The following KLHDC4 variants were observed in gnomAD, a reference collection of about 807,000 sequenced individuals.
The protein encoded by KLHDC4 is kelch domain containing 4.
In KLHDC4, 90 loss-of-function variants were observed where a neutral mutation model predicts 62.4. The ratio of observed to expected loss-of-function variants is 1.44; its 90% confidence interval spans 1.22 to 1.72. The LOEUF (loss-of-function observed/expected upper bound fraction) is 1.72, where lower values mean the gene tolerates loss of function less well. KLHDC4 is among the 40% of genes most tolerant of loss of function. KLHDC4 has a pLI of 0.00. For missense variants in KLHDC4, 1,025 were observed against 699.7 expected (o/e 1.47, Z -5.25); for synonymous variants, 386 against 284.4 (o/e 1.36, Z -3.59).
chr16:87,737,558 A>G (rs1441891028), intron 5 of KLHDC4, among the ~76,000 whole-genome samples: 1 of 151,054 alleles, frequency 6.6e-6, no homozygotes, highest in Non-Finnish European at 1.5e-5. Context: ...ACCGCACTCC[A>G]GCTCACCTTC....
intron 5 of KLHDC4, among the ~76,000 whole-genome samples, chr16:87,746,684 T>C (rs935794501): frequency 1.3e-5 from 2 of 152,174 alleles, no homozygotes; most frequent in Non-Finnish European, 2.9e-5. Context: ...CAAAGGGTGA[T>C]TCTGGCAAAA....
chr16:87,704,858 C>A (rs963289399), downstream of KLHDC4, among the ~76,000 whole-genome samples: 1 of 152,324 alleles, frequency 6.6e-6, no homozygotes, highest in Non-Finnish European at 1.5e-5. Context: ...ACCCCAAACA[C>A]GAAAAAAGCC....
At chr16:87,716,028 C>A (rs9933061) in intron 7 of KLHDC4, among the ~76,000 whole-genome samples, 61,419 of 151,960 alleles carry the variant, frequency 0.4, 13,030 homozygotes, top group Middle Eastern at 0.56. Flanking sequence ...TTTATGCAGA[C>A]TTTGGGTAGG....
chr16:87,739,296 T>C (rs1383140180), intron 5 of KLHDC4, among the ~76,000 whole-genome samples: 11 of 112,606 alleles, frequency 9.8e-5, no homozygotes, highest in Non-Finnish European at 1.7e-4. Context: ...ACCTCATCCA[T>C]CCACACACCA....
Position 87,708,002 on chromosome 16 carries a change from G to A in KLHDC4, c.*75C>T, listed in dbSNP as rs771049602. On this transcript the variant is annotated 3_prime_UTR_variant, in exon 12 of 12. Transcript: ENST00000270583. ...GTCAGGACGCACGCTGGCCCCAAGA[G>A]CTTCACTCAACACGGCTGGGTCCTG... 2 of 488,950 alleles carry A rather than the reference G, an allele frequency of 4.1e-6. No individual in the cohort carries two copies. The highest frequency in any genetic ancestry group is 3.1e-5 in the South Asian group (2 of 64,836). 30.3% of individuals were successfully genotyped at this position (488,950 alleles called of 1,614,324 possible).
chr16:87,719,651 A>G (rs1346594839), intron 7 of KLHDC4, among the ~76,000 whole-genome samples: 2 of 151,762 alleles, frequency 1.3e-5, no homozygotes, highest in African/African-American at 2.4e-5. Flanking sequence ...AGAAACACCC[A>G]AGAATGATCA....
exon 1 of KLHDC4, chr16:87,700,899 G>C (rs1392743621): frequency 7.7e-6 from 2 of 259,918 alleles, no homozygotes; most frequent in Non-Finnish European, 1.5e-5. Context: ...GGAAGCTGGA[G>C]GGCGGAAGGA....
At chr16:87,700,401 C>T (rs1174559953) in exon 1 of KLHDC4, 4 of 156,376 alleles carry the variant, frequency 2.6e-5, no homozygotes, top group African/African-American at 7.2e-5. Context: ...GTACCTTTAA[C>T]CTCGCCCGGG....
At position 87,762,005 on chromosome 16, in the gene KLHDC4, T is replaced by C; in HGVS notation, c.135A>G (p.Thr45=). ...CAGTCTGAGTCCTCTTGGCATCGAG[T>C]GTCTGGAAATGGGCTATGAGCGCTT... is the stretch of plus-strand genomic sequence containing the variant. The part of the protein sequence containing the change: ...DLEALIAHFQ[T]LDAKRTQTVE... Residue 45 remains threonine, a synonymous_variant, in exon 2 of 12, where the codon ACA becomes ACG. Transcript: ENST00000270583. 3 of 1,613,770 alleles carry C rather than the reference T, an allele frequency of 1.9e-6. No individual in the cohort carries two copies. The highest frequency in any genetic ancestry group is 2.5e-6 in the Non-Finnish European group (3 of 1,179,870).
intron 5 of KLHDC4, among the ~76,000 whole-genome samples, chr16:87,731,724 G>T (rs183986563): frequency 6.6e-6 from 1 of 152,292 alleles, no homozygotes; most frequent in Non-Finnish European, 1.5e-5. Context: ...TCAAGAGAAA[G>T]GAAAACACCA....
At chr16:87,718,694 G>C (rs1444312510) in intron 7 of KLHDC4, among the ~76,000 whole-genome samples, 1 of 148,254 alleles carries the variant, frequency 6.7e-6, no homozygotes, top group African/African-American at 2.5e-5. Flanking sequence ...CCATCGTCTG[G>C]GATGTGAGGA....
intron 5 of KLHDC4, among the ~76,000 whole-genome samples, chr16:87,741,237 C>A (rs1032289066): frequency 6.6e-6 from 1 of 152,222 alleles, no homozygotes; most frequent in African/African-American, 2.4e-5. Context: ...CGCCAGCCAA[C>A]CAACCAACAC....
At chr16:87,717,087 C>T (rs1017810957) in intron 7 of KLHDC4, among the ~76,000 whole-genome samples, 32 of 152,146 alleles carry the variant, frequency 2.1e-4, no homozygotes, top group African/African-American at 7.7e-4. Flanking sequence ...GAAAATCAGC[C>T]AGGCATGGTG....
intron 10 of KLHDC4, 25 bp downstream of exon 10, chr16:87,709,240 G>A (rs762970546): frequency 1.1e-4 from 172 of 1,594,490 alleles, no homozygotes; most frequent in Non-Finnish European, 1.3e-4. Context: ...TCCCGGGCAC[G>A]GAGGCACCAA....
intron 5 of KLHDC4, among the ~76,000 whole-genome samples, chr16:87,737,072 C>T (rs928615139): frequency 3.9e-5 from 5 of 128,332 alleles, no homozygotes; most frequent in African/African-American, 1.5e-4. Context: ...CTGCAGTGAC[C>T]CGAGATGGCG....
chr16:87,711,241 C>T lies in KLHDC4; in HGVS notation c.1038G>A (p.Gln346=). The change falls in exon 9 of 12, where the codon CAG becomes CAA. Residue 346 remains glutamine (Q), a synonymous_variant. Transcript: ENST00000270583. The stretch of plus-strand genomic sequence containing the variant: ...TACTCAGAGGTTGCACTACCTTCAG[C>T]TGTCCCTCAAACCAACGGTTCCTGG... ...DATRNRWFEG[Q]LKGPKSEKKK... The T allele has an allele frequency of 6.2e-7, 1 of 1,614,086 alleles. No homozygotes were observed. The highest frequency in any genetic ancestry group is 8.5e-7 in the Non-Finnish European group (1 of 1,180,022).
intron 5 of KLHDC4, among the ~76,000 whole-genome samples, chr16:87,744,580 CAG>C (rs142563149): frequency 0.2 from 27,213 of 136,810 alleles, 2,536 homozygotes; most frequent in South Asian, 0.33. Context: ...TAGACTGTCT[CAG>C]AAAAAAAAAA....
exon 1 of KLHDC4, chr16:87,698,584 C>G (rs1320355953): frequency 6.6e-6 from 1 of 152,266 alleles, no homozygotes; most frequent in Non-Finnish European, 1.5e-5. Context: ...ACCTAGAAAA[C>G]CAAGGCGAGA....
chr16:87,759,731 A>C (rs1191946466), intron 2 of KLHDC4, among the ~76,000 whole-genome samples: 22 of 151,936 alleles, frequency 1.4e-4, no homozygotes. Flanking sequence ...CAAGAGCTAC[A>C]CTCCGTCTCA....
Sources: allele counts gnomAD v4.1 joint callset (sites outside exome capture counted in the v4.1 genomes callset), GRCh38; gene constraint gnomAD v4.1.1; transcripts MANE v1.5; gene names NCBI Gene and HGNC (gene_info 2026-07-23, HGNC 2026-07-21).